The following LDB2 variants were observed in gnomAD, a reference collection of about 807,000 sequenced individuals.
LDB2 encodes LIM domain-binding protein 2.
In LDB2, 12 loss-of-function variants were observed where a neutral mutation model predicts 44.3. The observed-to-expected ratio is 0.27, with a 90% CI of 0.17 to 0.44. The LOEUF (loss-of-function observed/expected upper bound fraction) is 0.44. Ranked by LOEUF, LDB2 falls within the 20% of genes least tolerant of loss-of-function variation. The pLI is 1.00. For synonymous variants in LDB2, 164 were observed against 174.8 expected (o/e 0.94, Z 0.49); for missense variants, 344 against 473.5 (o/e 0.73, Z 2.54).
intron 1 of LDB2, among the ~76,000 whole-genome samples, chr4:16,799,012 G>A (rs951427728): frequency 1.4e-4 from 22 of 152,030 alleles, no homozygotes; most frequent in African/African-American, 4.6e-4. Context: ...CACCACACCC[G>A]GCTAATTTTT....
chr4:16,750,554 G>A (rs1262694886), intron 2 of LDB2, among the ~76,000 whole-genome samples: 1 of 150,652 alleles, frequency 6.6e-6, no homozygotes, highest in African/African-American at 2.4e-5. Flanking sequence ...TGAATAAGAA[G>A]TCCAGGTAGA....
intron 7 of LDB2, among the ~76,000 whole-genome samples, chr4:16,507,395 T>G (rs901859553): frequency 6.6e-6 from 1 of 151,740 alleles, no homozygotes; most frequent in Non-Finnish European, 1.5e-5. Context: ...CAGTGGAAAG[T>G]AGATACAAGT....
At chr4:16,820,838 T>G (rs1781819271) in intron 1 of LDB2, among the ~76,000 whole-genome samples, 1 of 152,224 alleles carries the variant, frequency 6.6e-6, no homozygotes, top group East Asian at 1.9e-4. Flanking sequence ...ATTTCAATCT[T>G]ATTTTTAAAG....
chr4:16,658,855 CT>C (rs1380862492), intron 2 of LDB2, among the ~76,000 whole-genome samples: 1 of 152,144 alleles, frequency 6.6e-6, no homozygotes, highest in African/African-American at 2.4e-5. Context: ...GACAGTAAGG[CT>C]CAGAAGGGTT....
chr4:16,563,076 G>C (rs1395270981), intron 5 of LDB2, among the ~76,000 whole-genome samples: 1 of 151,774 alleles, frequency 6.6e-6, no homozygotes, highest in Non-Finnish European at 1.5e-5. Flanking sequence ...TGGGGTGGGG[G>C]GAGAGGGGAG....
chr4:16,560,665 T>G (rs950953492), intron 5 of LDB2, among the ~76,000 whole-genome samples: 23 of 152,318 alleles, frequency 1.5e-4, no homozygotes, highest in African/African-American at 5.1e-4. Flanking sequence ...GCATTCCTTC[T>G]GAAACTATTC....
chr4:16,758,514 T>C lies in LDB2; in HGVS notation c.235+644A>G, dbSNP rs375254897. Among the ~76,000 whole-genome samples, 79 of 152,346 alleles carry C rather than the reference T, an allele frequency of 5.2e-4. No homozygotes were observed. In the South Asian group the frequency reaches 0.016, roughly 31 times the overall value. On this transcript the variant is annotated intron_variant, in intron 2 of 7. Coordinates refer to ENST00000304523, the MANE Select transcript of LDB2 (RefSeq NM_001290.5). ...GGTCTGATAGCACAACTAGCAAATC[T>C]GATCTCTGACAAGTTGGCTGAACCT...
At chr4:16,725,121 A>C (rs1373684119) in intron 2 of LDB2, among the ~76,000 whole-genome samples, 1 of 152,108 alleles carries the variant, frequency 6.6e-6, no homozygotes, top group Non-Finnish European at 1.5e-5. Flanking sequence ...GTTCTCTTGG[A>C]TAAATATATT....
chr4:16,616,066 C>T (rs1727217215), intron 2 of LDB2, among the ~76,000 whole-genome samples: 1 of 152,138 alleles, frequency 6.6e-6, no homozygotes, highest in Admixed American at 6.5e-5. Flanking sequence ...ACCCCCTTAC[C>T]CTAATTAACT....
intron 5 of LDB2, among the ~76,000 whole-genome samples, chr4:16,563,424 ATCAGATTTTTT>A (rs1743198609): frequency 8.1e-6 from 1 of 123,768 alleles, no homozygotes; most frequent in African/African-American, 3.2e-5. Flanking sequence ...CTCATCAGTC[ATCAGATTTTTT>A]TTTTTTTTTT....
intron 2 of LDB2, among the ~76,000 whole-genome samples, chr4:16,671,703 G>T (rs939717193): frequency 6.6e-6 from 1 of 152,142 alleles, no homozygotes; most frequent in South Asian, 2.1e-4. Context: ...CTTACTCTGG[G>T]CTGGGTCCAT....
At chr4:16,545,528 C>T (rs1735463607) in intron 5 of LDB2, among the ~76,000 whole-genome samples, 1 of 152,292 alleles carries the variant, frequency 6.6e-6, no homozygotes, top group Non-Finnish European at 1.5e-5. Context: ...ATAAATGTCT[C>T]ATTCTGGATA....
chr4:16,555,336 G>A (rs933562545), intron 5 of LDB2, among the ~76,000 whole-genome samples: 2 of 152,124 alleles, frequency 1.3e-5, no homozygotes, highest in African/African-American at 4.8e-5. Flanking sequence ...GTTACTATGG[G>A]AAATTCCTTA....
In LDB2 at chr4:16,736,015, G is replaced by A. The variant is rs1352969975; in HGVS notation, c.235+23143C>T. On this transcript the variant is annotated intron_variant, in intron 2 of 7. Transcript: ENST00000304523. ...TATCCAGGGAGCTGGACCTATAGATGCCACAGTGTCTGGGCAGCAGCCTAT... is the reference window on the plus strand; with the variant it reads ...TATCCAGGGAGCTGGACCTATAGATACCACAGTGTCTGGGCAGCAGCCTAT... Among the ~76,000 whole-genome samples the A allele has an allele frequency of 2.0e-5, 3 of 152,132 alleles. No individual in the cohort carries two copies. The East Asian group carries it at 5.8e-4, about 29-fold the overall frequency.
chr4:16,688,203 G>T (rs1749730266), intron 2 of LDB2, among the ~76,000 whole-genome samples: 1 of 152,142 alleles, frequency 6.6e-6, no homozygotes, highest in Non-Finnish European at 1.5e-5. Context: ...CCCCACAGTA[G>T]GAATACAGAA....
At chr4:16,590,187 C>T (rs1266332496) in intron 3 of LDB2, among the ~76,000 whole-genome samples, 1 of 152,150 alleles carries the variant, frequency 6.6e-6, no homozygotes, top group East Asian at 1.9e-4. Context: ...TTGAGATCCT[C>T]ATTGACTTTC....
At chr4:16,568,718 C>T (rs558953055) in intron 5 of LDB2, among the ~76,000 whole-genome samples, 135 of 152,180 alleles carry the variant, frequency 8.9e-4, no homozygotes, top group Non-Finnish European at 1.7e-3. Context: ...CCTTCATATA[C>T]GTGGCTTTCA....
intron 1 of LDB2, among the ~76,000 whole-genome samples, chr4:16,779,884 T>A (rs1284420509): frequency 1.3e-5 from 2 of 152,246 alleles, no homozygotes; most frequent in Admixed American, 1.3e-4. Context: ...ATTTTTGACT[T>A]TTTTCATTTT....
At chr4:16,663,742 T>C (rs1209595810) in intron 2 of LDB2, among the ~76,000 whole-genome samples, 1 of 152,210 alleles carries the variant, frequency 6.6e-6, no homozygotes, top group Non-Finnish European at 1.5e-5. Context: ...CTTGCTAGTT[T>C]CTCATTATCA....
Sources: allele counts gnomAD v4.1 joint callset (sites outside exome capture counted in the v4.1 genomes callset), GRCh38; gene constraint gnomAD v4.1.1; transcripts MANE v1.5; gene names NCBI Gene and HGNC (gene_info 2026-07-23, HGNC 2026-07-21).